Variants in DLG2 observed in about 807,000 individuals in gnomAD.
The protein encoded by DLG2 is disks large homolog 2.
DLG2 carries 45 observed loss-of-function variants against 132.5 expected under a neutral mutation model. That is an observed-to-expected ratio of 0.34 (90% CI 0.27 to 0.44). The LOEUF (loss-of-function observed/expected upper bound fraction) is 0.44. Ranked by LOEUF, DLG2 falls within the 20% of genes least tolerant of loss-of-function variation. The pLI is 1.00. For synonymous variants in DLG2, 424 were observed against 419.6 expected, an observed-to-expected ratio of 1.01 and a Z score of -0.13; for missense variants, 1,045 against 1,196.9, an observed-to-expected ratio of 0.87 and a Z score of 1.87.
At chr11:84,287,634 C>G (rs1445943345) in intron 7 of DLG2, among the ~76,000 whole-genome samples, 1 of 151,782 alleles carries the variant, frequency 6.6e-6, no homozygotes, top group Non-Finnish European at 1.5e-5. Flanking sequence ...GTCTCTGTTT[C>G]TATCTCTCTC....
At chr11:84,873,263 T>C (rs2085768979) in intron 6 of DLG2, among the ~76,000 whole-genome samples, 1 of 152,066 alleles carries the variant, frequency 6.6e-6, no homozygotes, top group Non-Finnish European at 1.5e-5. Flanking sequence ...GTTGGAGCAA[T>C]GCACTGTCAA....
rs1555376286 is a variant in DLG2, at chr11:85,122,949, T to TTATATATATATATATATTATA, written c.283-11215_283-11214insTATAATATATATATATATATA. On this transcript the variant is annotated intron_variant, in intron 5 of 27. Coordinates refer to ENST00000376104, the MANE Select transcript of DLG2 (RefSeq NM_001142699.3). ...GCATGTATGTGTGTCTGTATATATA[T>TTATATATATATATATATTATA]TATATATATATATATATATATTTTT... is the stretch of plus-strand genomic sequence containing the variant. Among the ~76,000 whole-genome samples, 180 of 48,130 alleles carry TTATATATATATATATATTATA rather than the reference T, an allele frequency of 3.7e-3. 11 individuals carry two copies. The highest frequency in any genetic ancestry group is 0.014 in the Middle Eastern group (1 of 74). 31.6% of individuals were successfully genotyped at this position (48,130 alleles called of 152,430 possible).
Position 85,498,691 on chromosome 11 carries a change from C to A in DLG2, c.40+99966G>T, listed in dbSNP as rs75697970. On this transcript the variant is annotated intron_variant, in intron 3 of 27. Transcript: ENST00000376104. ...CCACATAATTGGAAGTAAAAACACTCCTCAGGAATGTAAACAAACAGGAAT... is the reference window on the plus strand; with the variant it reads ...CCACATAATTGGAAGTAAAAACACTACTCAGGAATGTAAACAAACAGGAAT... Among the ~76,000 whole-genome samples, 1,395 of 151,352 alleles carry A rather than the reference C, an allele frequency of 9.2e-3. 19 individuals carry two copies. Among genetic ancestry groups the A allele is most frequent in the African/African-American group, 0.031 (1,246 of 40,682 alleles).
chr11:85,242,045 G>A (rs2075907026), intron 4 of DLG2, among the ~76,000 whole-genome samples: 1 of 151,884 alleles, frequency 6.6e-6, no homozygotes, highest in Non-Finnish European at 1.5e-5. Flanking sequence ...ATGTCTGTCA[G>A]GTCATTTATA....
At chr11:85,386,563 T>C (rs1234238180) in intron 3 of DLG2, among the ~76,000 whole-genome samples, 2 of 152,182 alleles carry the variant, frequency 1.3e-5, no homozygotes, top group Non-Finnish European at 1.5e-5. Context: ...GTACAGTTCC[T>C]TGCACATAGG....
Position 83,790,387 on chromosome 11 carries a change from C to T in DLG2, c.1723-3595G>A. The T allele has an allele frequency of 1.3e-5, 12 of 936,494 alleles. No homozygotes were observed. In the South Asian group the frequency reaches 1.6e-4, roughly 13 times the overall value. The allele number at this position is 936,494 out of a possible 1,614,324, so 58.0% of individuals were successfully genotyped here. A position where few individuals can be genotyped will look rare whatever the true frequency, so the allele number is the denominator to read the frequency against. ...AAGAACCATCTGGCAGGACTGCTAG[C>T]TTCCCTTCTGCCTCCCAACATGTGA... is the stretch of plus-strand genomic sequence containing the variant. On this transcript the variant is annotated intron_variant, in intron 17 of 27. Coordinates refer to ENST00000376104, the MANE Select transcript of DLG2 (RefSeq NM_001142699.3).
At chr11:85,486,816 A>G (rs972075259) in intron 3 of DLG2, among the ~76,000 whole-genome samples, 2 of 152,030 alleles carry the variant, frequency 1.3e-5, no homozygotes, top group African/African-American at 4.8e-5. Context: ...CCAGCATCCA[A>G]GCAAGCCACC....
At chr11:83,523,676 C>T (rs2095538010) in intron 21 of DLG2, among the ~76,000 whole-genome samples, 1 of 152,156 alleles carries the variant, frequency 6.6e-6, no homozygotes, top group African/African-American at 2.4e-5. Flanking sequence ...AATAACAAAT[C>T]TACAGATGTT....
rs1296634001 is a variant in DLG2 at position 83,874,134 on chromosome 11, T to TG, written c.1565+285dup. 5.8e-5 allele frequency among the ~76,000 whole-genome samples: 8 copies of TG among 137,052 alleles called. No individual in the cohort carries two copies. In the South Asian group the frequency reaches 1.2e-3, roughly 20 times the overall value. The allele number at this position is 137,052 out of a possible 152,430, so 89.9% of individuals were successfully genotyped here. On this transcript the variant is annotated intron_variant, in intron 16 of 27. Coordinates refer to ENST00000376104, the MANE Select transcript of DLG2 (RefSeq NM_001142699.3). ...TGTGAGAGAGACAGAGAAAGAAGAG[T>TG]GGGGAGGTAGGGAAGGAAAGAAAGA... is the stretch of plus-strand genomic sequence containing the variant.
chr11:84,695,596 T>G (rs1470866619), intron 6 of DLG2, among the ~76,000 whole-genome samples: 1 of 151,592 alleles, frequency 6.6e-6, no homozygotes, highest in East Asian at 1.9e-4. Context: ...TTGAACATTT[T>G]GCATGGAATG....
At chr11:83,887,149 T>C (rs1182097636) in intron 15 of DLG2, among the ~76,000 whole-genome samples, 1 of 152,074 alleles carries the variant, frequency 6.6e-6, no homozygotes, top group Non-Finnish European at 1.5e-5. Context: ...AAAAAATTAA[T>C]GAATCCAGGA....
chr11:83,971,906 T>C (rs1487676298), intron 12 of DLG2, among the ~76,000 whole-genome samples: 1 of 152,126 alleles, frequency 6.6e-6, no homozygotes, highest in African/African-American at 2.4e-5. Flanking sequence ...TTAGTAATGG[T>C]TATCTTTGGA....
At chr11:85,440,643 A>C (rs931329256) in intron 3 of DLG2, among the ~76,000 whole-genome samples, 1 of 152,206 alleles carries the variant, frequency 6.6e-6, no homozygotes, top group African/African-American at 2.4e-5. Context: ...GTGTCTCTCA[A>C]CTAGGACAAA....
intron 6 of DLG2, among the ~76,000 whole-genome samples, chr11:84,840,028 G>C (rs1250075889): frequency 1.3e-5 from 2 of 152,064 alleles, no homozygotes; most frequent in East Asian, 1.9e-4. Context: ...TACATCAAAA[G>C]AAACTACCAT....
rs549312400 is a variant in DLG2 at position 84,004,112 on chromosome 11, A to C, written c.920-23470T>G. 5.5e-4 allele frequency among the ~76,000 whole-genome samples: 83 copies of C among 152,258 alleles called. 4 individuals are homozygous for C. The South Asian group carries it at 0.016, about 30-fold the overall frequency. On this transcript the variant is annotated intron_variant, in intron 11 of 27. Coordinates refer to ENST00000376104, the MANE Select transcript of DLG2 (RefSeq NM_001142699.3). Reference sequence around the variant, plus strand: ...TCTATGACCAGTATTCCCTGATACCAAAACCTAAGGACACAACAAAATAAG... The same window carrying C: ...TCTATGACCAGTATTCCCTGATACCCAAACCTAAGGACACAACAAAATAAG...
In DLG2 at chr11:84,727,611, G is replaced by GT. The variant is rs954236904; in HGVS notation, c.358-192881dup. Among the ~76,000 whole-genome samples the GT allele has an allele frequency of 1.1e-3, 159 of 151,354 alleles. 3 individuals carry two copies. Among genetic ancestry groups the GT allele is most frequent in the East Asian group, 9.1e-3 (47 of 5,152 alleles). On this transcript the variant is annotated intron_variant, in intron 6 of 27. Transcript: ENST00000376104. ...TTGGTTCCATATGAACTTTAAAGTA[G>GT]TTTTTTTTTCCAATTCTGTGAAGAA...
intron 11 of DLG2, among the ~76,000 whole-genome samples, chr11:83,981,477 T>C (rs1331224772): frequency 6.6e-6 from 1 of 152,208 alleles, no homozygotes; most frequent in Non-Finnish European, 1.5e-5. Context: ...AGTCTCGCTC[T>C]GTCGCCCAGG....
intron 6 of DLG2, among the ~76,000 whole-genome samples, chr11:84,733,987 A>G (rs1437606248): frequency 6.6e-6 from 1 of 152,028 alleles, no homozygotes; most frequent in Non-Finnish European, 1.5e-5. Flanking sequence ...GTTCTGTTCC[A>G]TTGGCCTATA....
chr11:83,849,483 C>T (rs898809185), intron 16 of DLG2, among the ~76,000 whole-genome samples: 1 of 151,484 alleles, frequency 6.6e-6, no homozygotes, highest in Non-Finnish European at 1.5e-5. Context: ...AGAAATAAGA[C>T]ATAAATATAG....
Sources: allele counts gnomAD v4.1 joint callset (sites outside exome capture counted in the v4.1 genomes callset), GRCh38; gene constraint gnomAD v4.1.1; transcripts MANE v1.5; gene names NCBI Gene and HGNC (gene_info 2026-07-23, HGNC 2026-07-21).